Variants in IL7R observed in about 807,000 individuals in gnomAD.
The protein encoded by IL7R is interleukin-7 receptor subunit alpha.
In IL7R, 38 loss-of-function variants were observed where a neutral mutation model predicts 47.0. That is an observed-to-expected ratio of 0.81 (90% CI 0.62 to 1.06). The LOEUF (loss-of-function observed/expected upper bound fraction) is 1.06, where lower values mean the gene tolerates loss of function less well. Among genes scored for constraint, IL7R ranks in the 50% least tolerant of loss-of-function variants. IL7R has a pLI of 0.00. For missense variants in IL7R, 633 were observed against 534.8 expected (o/e 1.18, Z -1.81); for synonymous variants, 221 against 199.8 (o/e 1.11, Z -0.89).
intron 2 of IL7R, among the ~76,000 whole-genome samples, chr5:35,864,033 T>C (rs555955005): frequency 6.6e-6 from 1 of 152,250 alleles, no homozygotes; most frequent in South Asian, 2.1e-4. Flanking sequence ...TTCATGTTCC[T>C]TTCCAGTCAA....
chr5:35,860,612 T>C (rs1393979182), intron 1 of IL7R, among the ~76,000 whole-genome samples: 1 of 152,192 alleles, frequency 6.6e-6, no homozygotes, highest in Non-Finnish European at 1.5e-5. Flanking sequence ...TGATGGATTT[T>C]TTTTTTCTAT....
chr5:35,875,457 A>G (rs1165858646), intron 6 of IL7R, 55 bp from the exon 7 acceptor site: 1 of 1,165,192 alleles, frequency 8.6e-7, no homozygotes, highest in Non-Finnish European at 1.3e-6. Flanking sequence ...GGGAAGACTC[A>G]GTGTGCCTGT....
Position 35,871,054 on chromosome 5 carries a change from A to T in IL7R, c.380-2A>T, listed in dbSNP as rs2149901537. ...CAGAATTTATTTCTTTTTCTTTTCC[A>T]GTTAAACCTGAGGCTCCTTTTGACC... On this transcript the variant is annotated splice_acceptor_variant, in intron 3 of 7. Coordinates refer to ENST00000303115, the MANE Select transcript of IL7R (RefSeq NM_002185.5). LOFTEE classifies it high-confidence loss of function. The T allele has an allele frequency of 6.2e-7, 1 of 1,612,100 alleles. No individual in the cohort carries two copies. Among genetic ancestry groups the T allele is most frequent in the Non-Finnish European group, 8.5e-7 (1 of 1,178,184 alleles).
chr5:35,876,647 T>C lies in IL7R; in HGVS notation c.*161T>C. ...GAAACATTGCTTTGACCACTCTTCC[T>C]GAGTTCAGTGGCACTCAACATGAGT... On this transcript the variant is annotated 3_prime_UTR_variant, in exon 8 of 8. Transcript: ENST00000303115. 1.3e-6 allele frequency: 1 copy of C among 755,174 alleles called. No homozygotes were observed. Among genetic ancestry groups the C allele is most frequent in the Non-Finnish European group, 2.2e-6 (1 of 445,702 alleles). The allele number at this position is 755,174 out of a possible 1,614,324, so 46.8% of individuals were successfully genotyped here.
chr5:35,874,470 T>C lies in IL7R; in HGVS notation c.728T>C (p.Leu243Pro). The change falls in exon 6 of 8, where the codon CTA (leucine) becomes CCA (proline). Residue 243 changes from leucine to proline, a missense_variant. Coordinates refer to ENST00000303115, the MANE Select transcript of IL7R (RefSeq NM_002185.5). ...CCAGGGGAGATGGATCCTATCTTAC[T>C]AACCATCAGCATTTTGAGTTTTTTC... ...NSSGEMDPIL[L>P]TISILSFFSV... The C allele has an allele frequency of 6.2e-7, 1 of 1,612,176 alleles. No individual in the cohort carries two copies.
At chr5:35,866,828 A>G (rs7711202) in intron 2 of IL7R, among the ~76,000 whole-genome samples, 107,905 of 151,354 alleles carry the variant, frequency 0.71, 39,480 homozygotes, top group African/African-American at 0.87. Flanking sequence ...AATTACCTAT[A>G]AAAATCCATT....
chr5:35,863,441 C>G (rs562287983), intron 2 of IL7R, among the ~76,000 whole-genome samples: 3 of 152,098 alleles, frequency 2.0e-5, no homozygotes, highest in African/African-American at 7.2e-5. Context: ...GAACCATTCT[C>G]GAAAGGACTC....
At chr5:35,863,110 CACAT>C (rs1759857951) in intron 2 of IL7R, among the ~76,000 whole-genome samples, 1 of 152,172 alleles carries the variant, frequency 6.6e-6, no homozygotes, top group Non-Finnish European at 1.5e-5. Flanking sequence ...GACACACACA[CACAT>C]ACACACCTAC....
chr5:35,862,525 G>A (rs11567713), intron 2 of IL7R, among the ~76,000 whole-genome samples: 1,972 of 152,140 alleles, frequency 0.013, 49 homozygotes, highest in African/African-American at 0.045. Context: ...TATTTCAGTT[G>A]GAAAGGGACT....
chr5:35,873,121 T>C (rs950608425), intron 4 of IL7R: 1 of 278,990 alleles, frequency 3.6e-6, no homozygotes, highest in Admixed American at 4.6e-5. Flanking sequence ...AGAGAAATGA[T>C]TCCTGCTCAC....
chr5:35,866,009 A>G (rs772465085), intron 2 of IL7R, among the ~76,000 whole-genome samples: 32 of 152,158 alleles, frequency 2.1e-4, no homozygotes, highest in Non-Finnish European at 4.3e-4. Flanking sequence ...GAAACAATTC[A>G]TGTTCACAAT....
intron 2 of IL7R, 33 bp from the exon 3 acceptor site, chr5:35,867,273 G>A: frequency 6.2e-7 from 1 of 1,605,072 alleles, no homozygotes; most frequent in Non-Finnish European, 8.5e-7. Context: ...ACTCCTACCT[G>A]AATCAAGACA....
chr5:35,873,328 C>A, intron 4 of IL7R, 152 bp from the exon 5 acceptor site: 1 of 718,606 alleles, frequency 1.4e-6, no homozygotes, highest in South Asian at 1.6e-5. Context: ...GCTGTTGACT[C>A]CTTTACGTAT....
intron 2 of IL7R, among the ~76,000 whole-genome samples, chr5:35,861,634 T>A (rs1759822289): frequency 6.6e-6 from 1 of 152,144 alleles, no homozygotes; most frequent in Non-Finnish European, 1.5e-5. Context: ...CCTCTCAATG[T>A]AAATTTTCCA....
At chr5:35,872,107 A>G (rs1410026407) in intron 4 of IL7R, among the ~76,000 whole-genome samples, 1 of 152,190 alleles carries the variant, frequency 6.6e-6, no homozygotes, top group African/African-American at 2.4e-5. Flanking sequence ...AATTGCACCA[A>G]TTGAAAAGCA....
chr5:35,867,321 G>T lies in IL7R; in HGVS notation c.237G>T (p.Glu79Asp), dbSNP rs552630274. 2 of 1,613,640 alleles carry T rather than the reference G, an allele frequency of 1.2e-6. No homozygotes were observed. Among genetic ancestry groups the T allele is most frequent in the African/African-American group, 1.3e-5 (1 of 75,014 alleles). ...LEFEICGALV[E>D]VKCLNFRKLQ... ...ATTCCTACAGTGGGGCCCTCGTGGA[G>T]GTAAAGTGCCTGAATTTCAGGAAAC... Residue 79 changes from glutamate (E) to aspartate (D), a missense_variant, in exon 3 of 8, where the codon GAG becomes GAT. Transcript: ENST00000303115.
At position 35,875,658 on chromosome 5, in the gene IL7R, C is replaced by T. The variant is rs908747559; in HGVS notation, c.876+71C>T. 3.4e-6 allele frequency: 4 copies of T among 1,176,906 alleles called. No individual in the cohort carries two copies. In the African/African-American group the frequency reaches 6.0e-5, roughly 18 times the overall value. 72.9% of individuals were successfully genotyped at this position (1,176,906 alleles called of 1,614,324 possible). On this transcript the variant is annotated intron_variant, in intron 7 of 7. Coordinates refer to ENST00000303115, the MANE Select transcript of IL7R (RefSeq NM_002185.5). Reference sequence around the variant, plus strand: ...AGTGGCCAAGAATGATATTCCAGGACAAGGAACAGTTGAACCTCACCTTTT... The same window carrying T: ...AGTGGCCAAGAATGATATTCCAGGATAAGGAACAGTTGAACCTCACCTTTT...
chr5:35,860,986 A>G lies in IL7R; in HGVS notation c.217A>G (p.Ile73Val). ...DVNITNLEFE[I>V]CGALVEVKCL... ...CAACATCACCAATCTGGAATTTGAA[A>G]TATGGTGAGGGATGGTGGTTTTAAT... Residue 73 changes from isoleucine (I) to valine (V), a missense_variant, in exon 2 of 8, where the codon ATA becomes GTA. Physicochemically the swap from Ile to Val is conservative, Grantham distance 29. Coordinates refer to ENST00000303115, the MANE Select transcript of IL7R (RefSeq NM_002185.5). 2 of 1,613,460 alleles carry G rather than the reference A, an allele frequency of 1.2e-6. No individual in the cohort carries two copies. The highest frequency in any genetic ancestry group is 1.7e-6 in the Non-Finnish European group (2 of 1,179,450).
rs2149905856 is a variant in IL7R, at chr5:35,876,252, C to G, written c.1146C>G (p.Leu382=). 6.2e-7 allele frequency: 1 copy of G among 1,614,120 alleles called. No individual in the cohort carries two copies. Among genetic ancestry groups the G allele is most frequent in the Non-Finnish European group, 8.5e-7 (1 of 1,180,030 alleles). ...GNVSACDAPI[L]SSSRSLDCRE... ...TCAGTGCATGTGACGCCCCTATTCT[C>G]TCCTCTTCCAGGTCCCTAGACTGCA... is the stretch of plus-strand genomic sequence containing the variant. The change falls in exon 8 of 8, where the codon CTC becomes CTG. Residue 382 remains leucine (L), a synonymous_variant. Transcript: ENST00000303115.
Sources: allele counts gnomAD v4.1 joint callset (sites outside exome capture counted in the v4.1 genomes callset), GRCh38; gene constraint gnomAD v4.1.1; transcripts MANE v1.5; gene names NCBI Gene and HGNC (gene_info 2026-07-23, HGNC 2026-07-21).